UNC79: variants seen among roughly 807,000 people sequenced by gnomAD.
UNC79 encodes the protein unc-79 subunit of NALCN channel complex.
In UNC79, 37 loss-of-function variants were observed where a neutral mutation model predicts 283.1. The ratio of observed to expected loss-of-function variants is 0.13; its 90% CI spans 0.10 to 0.17. UNC79 has a LOEUF of 0.17. Ranked by LOEUF, UNC79 falls within the 10% of genes least tolerant of loss-of-function variation. UNC79 has a pLI of 1.00. For missense variants in UNC79, 2,272 were observed against 3,211.1 expected (o/e 0.71, Z 7.07); for synonymous variants, 1,107 against 1,200.2 (o/e 0.92, Z 1.61).
chr14:93,574,791 G>A (rs554844096), intron 16 of UNC79, among the ~76,000 whole-genome samples: 148 of 151,972 alleles, frequency 9.7e-4, no homozygotes, highest in Non-Finnish European at 1.8e-3. Context: ...TGGAGAGTGG[G>A]GGACAGCATC....
intron 8 of UNC79, 50 bp from the exon 9 acceptor site, chr14:93,528,508 T>C: frequency 2.0e-6 from 3 of 1,537,342 alleles, no homozygotes; most frequent in Non-Finnish European, 2.7e-6. Flanking sequence ...ATATAGGGAA[T>C]GTGATACCCA....
At chr14:93,699,079 C>A (rs527406049) in intron 47 of UNC79, among the ~76,000 whole-genome samples, 1 of 152,038 alleles carries the variant, frequency 6.6e-6, no homozygotes, top group Non-Finnish European at 1.5e-5. Context: ...TGTATTTAAA[C>A]TGCATTTCTT....
At chr14:93,350,348 GGTAA>G (rs1317296774) in intron 1 of UNC79, among the ~76,000 whole-genome samples, 1 of 151,944 alleles carries the variant, frequency 6.6e-6, no homozygotes, top group Non-Finnish European at 1.5e-5. Context: ...ATATATTTTT[GGTAA>G]GTAAGATTGT....
chr14:93,557,034 AAG>A (rs1263558418), intron 14 of UNC79, among the ~76,000 whole-genome samples: 1 of 152,200 alleles, frequency 6.6e-6, no homozygotes, highest in African/African-American at 2.4e-5. Context: ...GTGCAGTGAG[AAG>A]AGAGAGTTTA....
chr14:93,347,202 A>G, intron 1 of UNC79: 1 of 1,505,282 alleles, frequency 6.6e-7, no homozygotes, highest in Non-Finnish European at 8.9e-7. Context: ...CGAGCACTGG[A>G]GCTTGCGTTA....
intron 11 of UNC79, 43 bp downstream of exon 11, chr14:93,532,621 G>GTT: frequency 6.2e-7 from 1 of 1,603,986 alleles, no homozygotes; most frequent in Non-Finnish European, 8.5e-7. Context: ...GATTTATTGT[G>GTT]TTTGTATGTA....
At chr14:93,655,999 A>G (rs911633182) in intron 38 of UNC79, among the ~76,000 whole-genome samples, 2 of 152,218 alleles carry the variant, frequency 1.3e-5, no homozygotes, top group African/African-American at 4.8e-5. Context: ...ACCTATAAAG[A>G]TCATCCCTTC....
chr14:93,577,928 T>C (rs1298489011), exon 18 of UNC79: 2 of 1,614,076 alleles, frequency 1.2e-6, no homozygotes, highest in Non-Finnish European at 1.7e-6. Flanking sequence ...CGTTTCGGAG[T>C]CCTTTGCGTA....
At chr14:93,584,165 A>G (rs1458194562) in intron 20 of UNC79, among the ~76,000 whole-genome samples, 2 of 152,212 alleles carry the variant, frequency 1.3e-5, no homozygotes, top group Admixed American at 1.3e-4. Context: ...GAAGTTTACA[A>G]TCTGCTGATC....
At chr14:93,460,846 G>A (rs2056942745) in intron 1 of UNC79, among the ~76,000 whole-genome samples, 1 of 152,128 alleles carries the variant, frequency 6.6e-6, no homozygotes, top group Non-Finnish European at 1.5e-5. Context: ...GCAGTATAGT[G>A]AGACTCTGTC....
intron 7 of UNC79, among the ~76,000 whole-genome samples, chr14:93,515,635 T>C (rs901023405): frequency 2.6e-5 from 4 of 152,138 alleles, no homozygotes; most frequent in Non-Finnish European, 5.9e-5. Flanking sequence ...TAATTTCATA[T>C]ATTTATCTTT....
intron 30 of UNC79, among the ~76,000 whole-genome samples, chr14:93,628,129 C>T (rs117054393): frequency 0.026 from 3,941 of 152,318 alleles, 68 homozygotes; most frequent in Non-Finnish European, 0.04. Context: ...CACCATTCCC[C>T]TGCTTAAAGA....
intron 22 of UNC79, among the ~76,000 whole-genome samples, chr14:93,590,112 T>A (rs2064548408): frequency 6.6e-6 from 1 of 152,192 alleles, no homozygotes; most frequent in African/African-American, 2.4e-5. Flanking sequence ...TGAGTGCCCC[T>A]TCCTCTTATT....
At chr14:93,362,535 A>C (rs1595389170) in intron 1 of UNC79, among the ~76,000 whole-genome samples, 1 of 152,052 alleles carries the variant, frequency 6.6e-6, no homozygotes, top group East Asian at 1.9e-4. Context: ...TTTTAGTAGA[A>C]ATGGGGTTTT....
intron 1 of UNC79, among the ~76,000 whole-genome samples, chr14:93,459,383 A>G (rs748907739): frequency 8.5e-5 from 13 of 152,240 alleles, no homozygotes; most frequent in Non-Finnish European, 1.8e-4. Flanking sequence ...TCTAAGAAAT[A>G]AATAACTAGT....
intron 39 of UNC79, among the ~76,000 whole-genome samples, chr14:93,661,120 A>AT (rs201852805): frequency 0.022 from 3,372 of 151,932 alleles, 53 homozygotes; most frequent in Non-Finnish European, 0.034. Context: ...TAATTTAGTC[A>AT]TTTTTTTTCT....
At chr14:93,660,676 G>A (rs745983633) in intron 39 of UNC79, among the ~76,000 whole-genome samples, 4 of 150,628 alleles carry the variant, frequency 2.7e-5, no homozygotes, top group Non-Finnish European at 5.9e-5. Context: ...TGCAGCCTCC[G>A]GCTCCCGGGT....
chr14:93,698,476 GTTTTTTT>G (rs71129655), intron 47 of UNC79, among the ~76,000 whole-genome samples: 2 of 79,096 alleles, frequency 2.5e-5, no homozygotes, highest in African/African-American at 8.0e-5. Context: ...TTTAGTTTAG[GTTTTTTT>G]TTTTTTTTTT....
intron 5 of UNC79, among the ~76,000 whole-genome samples, chr14:93,494,448 T>C (rs1217887415): frequency 6.6e-6 from 1 of 152,202 alleles, no homozygotes; most frequent in Non-Finnish European, 1.5e-5. Flanking sequence ...AGGGAAGATC[T>C]TGAGATCTGT....
Sources: gnomAD v4.1 joint callset for allele counts (sites outside exome capture counted in the v4.1 genomes callset) on GRCh38, gnomAD v4.1.1 for gene constraint, MANE v1.5 for transcripts, NCBI Gene and HGNC (gene_info 2026-07-23, HGNC 2026-07-21) for gene names.